The following PLPPR4 variants were observed in gnomAD, a reference collection of about 807,000 sequenced individuals.
The protein encoded by PLPPR4 is phospholipid phosphatase related 4, also known as phospholipid phosphatase-related protein type 4.
Under a neutral mutation model 56.6 loss-of-function variants are expected in PLPPR4, and 24 were observed. That is an observed-to-expected ratio of 0.42 (90% CI 0.31 to 0.60). The LOEUF is 0.60. Among genes scored for constraint, PLPPR4 ranks in the 20% least tolerant of loss-of-function variants. The probability of loss-of-function intolerance (pLI) is 0.13; values close to 1 mark genes in which losing one functional copy is unlikely to be tolerated. For missense variants in PLPPR4, 654 were observed against 885.8 expected, an observed-to-expected ratio of 0.74 and a Z score of 3.32; for synonymous variants, 326 against 328.1, an observed-to-expected ratio of 0.99 and a Z score of 0.07.
At chr1:99,265,494 G>A (rs191201546) in intron 1 of PLPPR4, among the ~76,000 whole-genome samples, 44 of 152,268 alleles carry the variant, frequency 2.9e-4, no homozygotes, top group Admixed American at 1.4e-3. Context: ...CAGTGATTCC[G>A]TGTACTGTGC....
At chr1:99,270,654 T>C (rs979558402) in intron 1 of PLPPR4, among the ~76,000 whole-genome samples, 2 of 152,256 alleles carry the variant, frequency 1.3e-5, no homozygotes, top group African/African-American at 4.8e-5. Context: ...ACAAATTATA[T>C]AACTCATTTG....
chr1:99,299,189 T>C lies in PLPPR4; in HGVS notation c.549T>C (p.Asp183=), dbSNP rs776350955. The C allele has an allele frequency of 1.2e-6, 2 of 1,613,362 alleles. No individual in the cohort carries two copies. The highest frequency in any genetic ancestry group is 1.1e-5 in the South Asian group (1 of 91,054). Residue 183 remains aspartate (D), a synonymous_variant, in exon 4 of 7, where the codon GAT becomes GAC. Coordinates refer to ENST00000370185, the MANE Select transcript of PLPPR4 (RefSeq NM_014839.5). ...AAGAAAATTCCTACATTGTGGAAGA[T>C]ATTTGCTCAGGATCTGACCTCACAG... ...SCKENSYIVE[D]ICSGSDLTVI...
chr1:99,269,328 A>G (rs2100782590), intron 1 of PLPPR4, among the ~76,000 whole-genome samples: 1 of 152,352 alleles, frequency 6.6e-6, no homozygotes, highest in Admixed American at 6.5e-5. Context: ...AATATCACTG[A>G]TGGGCATTTA....
chr1:99,294,830 G>A (rs112680113), intron 2 of PLPPR4, among the ~76,000 whole-genome samples: 1 of 152,000 alleles, frequency 6.6e-6, no homozygotes, highest in East Asian at 1.9e-4. Context: ...TGGACAAGAT[G>A]TAATCATTAC....
At chr1:99,303,085 C>A (rs571198299) in intron 6 of PLPPR4, among the ~76,000 whole-genome samples, 13 of 152,156 alleles carry the variant, frequency 8.5e-5, no homozygotes, top group African/African-American at 2.9e-4. Context: ...TTAGAAAAGA[C>A]GTCACAAAAG....
chr1:99,301,968 T>G (rs1397854040), intron 6 of PLPPR4, 71 bp downstream of exon 6: 1 of 1,054,638 alleles, frequency 9.5e-7, no homozygotes, highest in Non-Finnish European at 1.3e-6. Flanking sequence ...TTTTGCACTA[T>G]AATAGCTTCC....
At chr1:99,277,153 C>G (rs541280582) in intron 1 of PLPPR4, among the ~76,000 whole-genome samples, 65 of 152,272 alleles carry the variant, frequency 4.3e-4, no homozygotes, top group African/African-American at 1.6e-3. Context: ...TTTGCCAGGA[C>G]CACTTTCCCA....
chr1:99,283,344 T>C (rs1659378665), intron 1 of PLPPR4, among the ~76,000 whole-genome samples: 1 of 152,190 alleles, frequency 6.6e-6, no homozygotes, highest in Admixed American at 6.5e-5. Flanking sequence ...GTCTTTATTA[T>C]AATCAGGCTA....
At chr1:99,298,119 G>T (rs1570921747) in intron 3 of PLPPR4, among the ~76,000 whole-genome samples, 1 of 152,104 alleles carries the variant, frequency 6.6e-6, no homozygotes, top group Admixed American at 6.6e-5. Flanking sequence ...GTAAAACAGG[G>T]TAATGTGCAA....
chr1:99,276,383 A>G (rs1396747182), intron 1 of PLPPR4, among the ~76,000 whole-genome samples: 1 of 152,192 alleles, frequency 6.6e-6, no homozygotes, highest in African/African-American at 2.4e-5. Flanking sequence ...CATTGAATGT[A>G]ATAGAAAATA....
In PLPPR4 at chr1:99,264,567, G is replaced by A. The variant is rs1658843619; in HGVS notation, c.-27G>A. On this transcript the variant is annotated 5_prime_UTR_variant, in exon 1 of 7. Transcript: ENST00000370185. ...CGCTGTGCACACCTCGCCCGGGGGAGGACGCAGACCCGGGCAGGCGGCAGG... is the reference window on the plus strand; with the variant it reads ...CGCTGTGCACACCTCGCCCGGGGGAAGACGCAGACCCGGGCAGGCGGCAGG... 3.2e-6 allele frequency: 5 copies of A among 1,551,008 alleles called. No homozygotes were observed. The highest frequency in any genetic ancestry group is 2.0e-5 in the Admixed American group (1 of 51,042).
chr1:99,273,398 A>C (rs1659106704), intron 1 of PLPPR4, among the ~76,000 whole-genome samples: 1 of 152,116 alleles, frequency 6.6e-6, no homozygotes, highest in Admixed American at 6.6e-5. Context: ...TTAACAGAAG[A>C]ATGATGTTTG....
intron 1 of PLPPR4, among the ~76,000 whole-genome samples, chr1:99,270,223 A>G (rs1659021165): frequency 1.3e-5 from 2 of 151,956 alleles, no homozygotes; most frequent in Admixed American, 6.6e-5. Context: ...ACAGGATTTC[A>G]CCATGTTGCC....
chr1:99,271,741 G>A (rs1403947765), intron 1 of PLPPR4, among the ~76,000 whole-genome samples: 1 of 152,062 alleles, frequency 6.6e-6, no homozygotes, highest in Non-Finnish European at 1.5e-5. Context: ...GGGGGTGAGA[G>A]GGAAGACTTG....
chr1:99,303,510 G>A (rs1022257055), intron 6 of PLPPR4, among the ~76,000 whole-genome samples: 1 of 152,084 alleles, frequency 6.6e-6, no homozygotes, highest in Non-Finnish European at 1.5e-5. Flanking sequence ...ATAAAAGGTA[G>A]CCAGGGAATA....
chr1:99,289,076 A>G (rs1659549520), intron 2 of PLPPR4, among the ~76,000 whole-genome samples: 1 of 152,112 alleles, frequency 6.6e-6, no homozygotes, highest in South Asian at 2.1e-4. Context: ...AACCCTTTTC[A>G]CCACCTCTTT....
At chr1:99,303,528 A>G (rs1000103229) in intron 6 of PLPPR4, among the ~76,000 whole-genome samples, 4 of 152,202 alleles carry the variant, frequency 2.6e-5, no homozygotes, top group African/African-American at 4.8e-5. Context: ...ATACCAATAA[A>G]CAAGTGACAT....
At chr1:99,266,752 C>T (rs990039959) in intron 1 of PLPPR4, among the ~76,000 whole-genome samples, 6 of 152,342 alleles carry the variant, frequency 3.9e-5, no homozygotes, top group African/African-American at 1.4e-4. Flanking sequence ...TGCAAATTAT[C>T]TTCCTAAAAA....
chr1:99,266,422 T>C (rs1407943374), intron 1 of PLPPR4, among the ~76,000 whole-genome samples: 1 of 152,230 alleles, frequency 6.6e-6, no homozygotes, highest in African/African-American at 2.4e-5. Flanking sequence ...CTTTACAGAA[T>C]GTACGTGGGC....
Sources: gnomAD v4.1 joint callset for allele counts (sites outside exome capture counted in the v4.1 genomes callset) on GRCh38, gnomAD v4.1.1 for gene constraint, MANE v1.5 for transcripts, NCBI Gene and HGNC (gene_info 2026-07-23, HGNC 2026-07-21) for gene names.